The following SCFD2 variants were observed in gnomAD, a reference collection of about 807,000 sequenced individuals.
SCFD2 encodes sec1 family domain-containing protein 2.
SCFD2 carries 54 observed loss-of-function variants against 58.9 expected under a neutral mutation model. That is an observed-to-expected ratio of 0.92 (90% CI 0.74 to 1.15). The LOEUF (loss-of-function observed/expected upper bound fraction) is 1.15. Among genes scored for constraint, SCFD2 ranks in the 50% most tolerant of loss-of-function variants. SCFD2 has a pLI of 0.00. For synonymous variants in SCFD2, 321 were observed against 335.9 expected (o/e 0.96, Z 0.49); for missense variants, 805 against 836.6 (o/e 0.96, Z 0.47).
chr4:53,066,857 C>G (rs899758383), intron 5 of SCFD2, among the ~76,000 whole-genome samples: 1 of 152,126 alleles, frequency 6.6e-6, no homozygotes, highest in South Asian at 2.1e-4. Flanking sequence ...CTTGTCACAG[C>G]AGCAACTTTA....
intron 4 of SCFD2, among the ~76,000 whole-genome samples, chr4:53,155,497 C>T (rs752962025): frequency 5.3e-5 from 8 of 152,140 alleles, no homozygotes; most frequent in Non-Finnish European, 7.3e-5. Context: ...TATAAATTAC[C>T]CAGTCTCAGG....
chr4:53,210,681 AAATT>A (rs1484131452), intron 4 of SCFD2, among the ~76,000 whole-genome samples: 2 of 152,156 alleles, frequency 1.3e-5, no homozygotes, highest in African/African-American at 2.4e-5. Context: ...TCTTTTTAAT[AAATT>A]AATAAGCATG....
chr4:53,070,420 G>A (rs75756323), intron 5 of SCFD2, among the ~76,000 whole-genome samples: 2,979 of 152,092 alleles, frequency 0.02, 71 homozygotes, highest in East Asian at 0.11. Flanking sequence ...TATGAAAAGC[G>A]AAAGTTAATT....
intron 5 of SCFD2, among the ~76,000 whole-genome samples, chr4:53,033,899 T>C (rs748161877): frequency 6.6e-5 from 10 of 152,116 alleles, no homozygotes; most frequent in Non-Finnish European, 5.9e-5. Flanking sequence ...GAGGAGCTGG[T>C]ACCATTCTTT....
rs1480931253 is a variant in SCFD2, at chr4:52,873,925, T to A, written c.*44A>T. ...TTTGGAGTGGTGGCAGAAAATTGCA[T>A]CGGCATTTCCAGCTTGAGTAGGTCT... On this transcript the variant is annotated 3_prime_UTR_variant, in exon 9 of 9. Coordinates refer to ENST00000401642, the MANE Select transcript of SCFD2 (RefSeq NM_152540.4). The A allele has an allele frequency of 3.5e-6, 5 of 1,430,060 alleles. No individual in the cohort carries two copies. The highest frequency in any genetic ancestry group is 4.9e-6 in the Non-Finnish European group (5 of 1,012,736). The allele number at this position is 1,430,060 out of a possible 1,614,324, so 88.6% of individuals were successfully genotyped here.
chr4:53,132,235 G>A (rs1725804798), intron 5 of SCFD2, among the ~76,000 whole-genome samples: 1 of 152,178 alleles, frequency 6.6e-6, no homozygotes, highest in African/African-American at 2.4e-5. Flanking sequence ...CACTGATACA[G>A]TGTTTAGTAA....
chr4:53,167,497 A>G (rs1727045455), intron 4 of SCFD2, among the ~76,000 whole-genome samples: 1 of 152,204 alleles, frequency 6.6e-6, no homozygotes, highest in South Asian at 2.1e-4. Flanking sequence ...AACATTGATA[A>G]TAACCAAAGT....
chr4:53,309,603 A>G (rs1303570268), intron 3 of SCFD2, among the ~76,000 whole-genome samples: 5 of 152,206 alleles, frequency 3.3e-5, no homozygotes, highest in Non-Finnish European at 5.9e-5. Flanking sequence ...ACCAGGCTGA[A>G]CATGGAAAAA....
chr4:52,899,036 T>C (rs1719104471), intron 7 of SCFD2, among the ~76,000 whole-genome samples: 1 of 152,220 alleles, frequency 6.6e-6, no homozygotes. Flanking sequence ...TTTGAGCCTA[T>C]GTGTGTCTCT....
At chr4:53,164,653 G>C (rs1726951158) in intron 4 of SCFD2, among the ~76,000 whole-genome samples, 1 of 152,038 alleles carries the variant, frequency 6.6e-6, no homozygotes, top group African/African-American at 2.4e-5. Flanking sequence ...AATTAGCCGG[G>C]TGTGGTGGCA....
chr4:53,017,255 T>C (rs755352534), intron 5 of SCFD2, among the ~76,000 whole-genome samples: 5 of 152,210 alleles, frequency 3.3e-5, no homozygotes, highest in Non-Finnish European at 7.3e-5. Context: ...GAGGTAGTTA[T>C]GCAATGGTAC....
intron 5 of SCFD2, among the ~76,000 whole-genome samples, chr4:53,018,198 T>A (rs1440645789): frequency 2.0e-5 from 3 of 152,210 alleles, no homozygotes; most frequent in Admixed American, 1.3e-4. Flanking sequence ...TTTAATCATT[T>A]AATTGATTTC....
chr4:53,139,285 C>T (rs568389893), intron 5 of SCFD2, among the ~76,000 whole-genome samples: 23 of 152,262 alleles, frequency 1.5e-4, no homozygotes, highest in African/African-American at 5.3e-4. Flanking sequence ...TCTGCCCGGC[C>T]GCCACCCCGC....
intron 4 of SCFD2, among the ~76,000 whole-genome samples, chr4:53,148,383 C>G (rs1427495007): frequency 3.9e-5 from 6 of 152,270 alleles, no homozygotes; most frequent in Non-Finnish European, 8.8e-5. Context: ...CATTCTAAAT[C>G]TGTTTAATGC....
At chr4:53,313,584 A>C in intron 3 of SCFD2, 52 bp downstream of exon 3, 4 of 1,609,300 alleles carry the variant, frequency 2.5e-6, no homozygotes. Flanking sequence ...AATTCAGAAC[A>C]GGTTTAAATA....
intron 4 of SCFD2, among the ~76,000 whole-genome samples, chr4:53,187,965 T>G (rs578216201): frequency 6.6e-6 from 1 of 152,312 alleles, no homozygotes; most frequent in South Asian, 2.1e-4. Context: ...TAATTGTGGC[T>G]GCACTGTGCT....
intron 5 of SCFD2, among the ~76,000 whole-genome samples, chr4:53,139,150 C>T (rs1005426352): frequency 2.0e-5 from 3 of 152,210 alleles, no homozygotes; most frequent in Admixed American, 6.5e-5. Flanking sequence ...GGATTGCAGA[C>T]GGAGTCTCGC....
chr4:52,923,814 T>C (rs2109489101), intron 5 of SCFD2, among the ~76,000 whole-genome samples: 1 of 152,336 alleles, frequency 6.6e-6, no homozygotes, highest in East Asian at 1.9e-4. Flanking sequence ...GGCATCACAC[T>C]TCAGTTGAAA....
intron 3 of SCFD2, among the ~76,000 whole-genome samples, chr4:53,308,725 G>A (rs1383688758): frequency 6.6e-6 from 1 of 152,166 alleles, no homozygotes; most frequent in Admixed American, 6.5e-5. Context: ...AAAGTATTTT[G>A]ATGTATTGCT....
Sources: gnomAD v4.1 joint callset for allele counts (sites outside exome capture counted in the v4.1 genomes callset) on GRCh38, gnomAD v4.1.1 for gene constraint, MANE v1.5 for transcripts, NCBI Gene and HGNC (gene_info 2026-07-23, HGNC 2026-07-21) for gene names.